The following AMOTL1 variants were observed in gnomAD, a reference collection of about 807,000 sequenced individuals.
AMOTL1 encodes angiomotin-like protein 1.
In AMOTL1, 45 loss-of-function variants were observed where a neutral mutation model predicts 102.9. The ratio of observed to expected loss-of-function variants is 0.44; its 90% CI spans 0.34 to 0.56. The LOEUF is 0.56. AMOTL1 is among the 20% of genes least tolerant of loss of function. AMOTL1 has a pLI of 0.01. For synonymous variants in AMOTL1, 481 were observed against 484.7 expected (o/e 0.99, Z 0.10); for missense variants, 1,114 against 1,225.6 (o/e 0.91, Z 1.36).
chr11:94,712,601 A>T (rs957323425), intron 1 of AMOTL1, among the ~76,000 whole-genome samples: 1 of 152,076 alleles, frequency 6.6e-6, no homozygotes, highest in Non-Finnish European at 1.5e-5. Context: ...CAAAGGTCTA[A>T]TATCCAGAAT....
chr11:94,844,526 G>C (rs1952369305), intron 6 of AMOTL1, among the ~76,000 whole-genome samples: 2 of 152,258 alleles, frequency 1.3e-5, no homozygotes, highest in South Asian at 4.1e-4. Flanking sequence ...GGGAGGCTGG[G>C]AAGTCCAAGA....
chr11:94,822,955 G>A (rs1229626351), intron 4 of AMOTL1, among the ~76,000 whole-genome samples: 1 of 152,160 alleles, frequency 6.6e-6, no homozygotes, highest in African/African-American at 2.4e-5. Context: ...CTCTTCCCTT[G>A]GCAATAAAGG....
chr11:94,732,415 A>T (rs1950368318), intron 2 of AMOTL1, among the ~76,000 whole-genome samples: 1 of 152,076 alleles, frequency 6.6e-6, no homozygotes, highest in African/African-American at 2.4e-5. Flanking sequence ...GGAGTTTCTG[A>T]AGGGAAGTCC....
rs897439421 is a variant in AMOTL1, at chr11:94,754,420, C to G, written c.136+13432C>G. On this transcript the variant is annotated intron_variant, in intron 3 of 4. Coordinates refer to the AMOTL1 transcript ENST00000299004. ...ATGAAGCTGAATCTTCTCTCCCATA[C>G]AAACCCAGATTTAGCATGGGAACGC... 9.8e-5 allele frequency among the ~76,000 whole-genome samples: 15 copies of G among 152,336 alleles called. 1 individual carries two copies. In the South Asian group the frequency reaches 2.5e-3, roughly 25 times the overall value.
chr11:94,761,324 G>A (rs1484548433), intron 3 of AMOTL1, among the ~76,000 whole-genome samples: 12 of 151,608 alleles, frequency 7.9e-5, no homozygotes, highest in African/African-American at 2.9e-4. Context: ...GAGTAGCTTG[G>A]ATTACAGGCA....
chr11:94,860,554 C>G (rs1048538099), intron 9 of AMOTL1, among the ~76,000 whole-genome samples: 4 of 152,186 alleles, frequency 2.6e-5, no homozygotes, highest in Non-Finnish European at 5.9e-5. Context: ...TGGATCTCAG[C>G]TGCATGCAAA....
chr11:94,859,715 G>A lies in AMOTL1; in HGVS notation c.2135G>A (p.Arg712Lys), dbSNP rs749041827. 8 of 1,603,144 alleles carry A rather than the reference G, an allele frequency of 5.0e-6. No homozygotes were observed. The East Asian group carries it at 1.6e-4, about 31-fold the overall frequency. Reference sequence around the variant, plus strand: ...GCCGCAGCCACTGCAGCAGCTGAGAGGTGAGACCAGTGGAACTCTGGTGGT... The same window carrying A: ...GCCGCAGCCACTGCAGCAGCTGAGAAGTGAGACCAGTGGAACTCTGGTGGT... ...MNAAATAAAERDTTIINHSRN... is the reference protein window; with the variant it reads ...MNAAATAAAEKDTTIINHSRN... Residue 712 changes from arginine to lysine, a missense_variant and splice_region_variant, in exon 9 of 13, where the codon AGG becomes AAG. Transcript: ENST00000433060.
intron 8 of AMOTL1, among the ~76,000 whole-genome samples, chr11:94,857,741 G>A (rs1293035556): frequency 6.6e-6 from 1 of 152,208 alleles, no homozygotes; most frequent in African/African-American, 2.4e-5. Context: ...GAAGTTAAAG[G>A]TCATGTAGCT....
chr11:94,833,039 T>G (rs1251742461), intron 6 of AMOTL1, among the ~76,000 whole-genome samples: 1 of 152,234 alleles, frequency 6.6e-6, no homozygotes, highest in Non-Finnish European at 1.5e-5. Context: ...ACCTTCTGGC[T>G]CAAAGCTGAA....
chr11:94,842,734 T>C (rs117407021), intron 6 of AMOTL1, among the ~76,000 whole-genome samples: 1 of 152,174 alleles, frequency 6.6e-6, no homozygotes. Context: ...AAGCATAATA[T>C]GTAAAATGAA....
At chr11:94,723,375 A>C (rs1950205136) in intron 1 of AMOTL1, among the ~76,000 whole-genome samples, 2 of 152,140 alleles carry the variant, frequency 1.3e-5, no homozygotes, top group South Asian at 4.1e-4. Flanking sequence ...GTCTCAATGA[A>C]CCAACTTCAG....
chr11:94,799,935 G>T lies in AMOTL1; in HGVS notation c.745G>T (p.Ala249Ser), dbSNP rs1951441711. The T allele has an allele frequency of 3.1e-6, 5 of 1,613,342 alleles. No individual in the cohort carries two copies. Among genetic ancestry groups the T allele is most frequent in the Non-Finnish European group, 4.2e-6 (5 of 1,179,530 alleles). ...CAGTGGACAGGCGCATAAGGACGAG[G>T]CGCTGAAGGAACTGAAGCAGGGCCA... The part of the protein sequence containing the change: ...ANSGQAHKDE[A>S]LKELKQGHVR... The change falls in exon 3 of 13, where the codon GCG (alanine) becomes TCG (serine). Residue 249 changes from alanine to serine, a missense_variant. Ala to Ser is a moderately conservative substitution (Grantham distance 99). Transcript: ENST00000433060. The surrounding 1 kb of genome is among the most constrained non-coding windows in gnomAD (Gnocchi z 4.5).
At chr11:94,780,966 A>C (rs1951101768) in intron 1 of AMOTL1, among the ~76,000 whole-genome samples, 1 of 152,060 alleles carries the variant, frequency 6.6e-6, no homozygotes, top group African/African-American at 2.4e-5. Flanking sequence ...TCTTTCTAAT[A>C]GTGTGGTCTT....
intron 1 of AMOTL1, among the ~76,000 whole-genome samples, chr11:94,791,927 T>C (rs1951291429): frequency 1.3e-5 from 2 of 152,126 alleles, no homozygotes; most frequent in Admixed American, 1.3e-4. Context: ...AGGGAAGGAT[T>C]AGGTACATGT....
chr11:94,763,135 G>T (rs908845914), intron 3 of AMOTL1, among the ~76,000 whole-genome samples: 1 of 152,082 alleles, frequency 6.6e-6, no homozygotes, highest in African/African-American at 2.4e-5. Flanking sequence ...TCATCCACAG[G>T]CACCTGATAT....
chr11:94,862,000 G>T (rs1197496049), intron 9 of AMOTL1, among the ~76,000 whole-genome samples: 1 of 152,270 alleles, frequency 6.6e-6, no homozygotes. Flanking sequence ...AAGGGGAAAT[G>T]ACTCTTACCC....
At chr11:94,796,453 C>T (rs561081173) in intron 2 of AMOTL1, among the ~76,000 whole-genome samples, 7 of 152,074 alleles carry the variant, frequency 4.6e-5, no homozygotes, top group East Asian at 1.9e-4. Context: ...TCTCTGCTCC[C>T]GGGAGTTTGA....
intron 4 of AMOTL1, among the ~76,000 whole-genome samples, chr11:94,825,523 G>A (rs1055843985): frequency 2.6e-5 from 4 of 152,188 alleles, no homozygotes; most frequent in East Asian, 3.9e-4. Context: ...GACATTGAGT[G>A]TATTTCTGTG....
chr11:94,759,004 A>G (rs1467397780), intron 3 of AMOTL1, among the ~76,000 whole-genome samples: 1 of 152,252 alleles, frequency 6.6e-6, no homozygotes, highest in African/African-American at 2.4e-5. Flanking sequence ...TCTTATTTCA[A>G]GATGAATTTC....
Sources: allele counts gnomAD v4.1 joint callset (sites outside exome capture counted in the v4.1 genomes callset), GRCh38; gene constraint gnomAD v4.1.1; non-coding constraint Gnocchi (gnomAD v3.1); transcripts MANE v1.5; gene names NCBI Gene and HGNC (gene_info 2026-07-23, HGNC 2026-07-21).